TRIM66: variants seen among roughly 807,000 people sequenced by gnomAD.
TRIM66 encodes the protein tripartite motif containing 66, also known as tripartite motif-containing protein 66.
A neutral mutation model predicts 148.2 loss-of-function variants in TRIM66; 99 were observed. The ratio of observed to expected loss-of-function variants is 0.67; its 90% CI spans 0.57 to 0.79. TRIM66 has a LOEUF of 0.79. Ranked by LOEUF, TRIM66 falls within the 30% of genes least tolerant of loss-of-function variation. TRIM66 has a pLI of 0.00. For synonymous variants in TRIM66, 616 were observed against 635.9 expected (o/e 0.97, Z 0.47); for missense variants, 1,666 against 1,697.9 (o/e 0.98, Z 0.33).
chr11:8,640,124 G>A (rs1423154656), intron 14 of TRIM66, 103 bp downstream of exon 14: 7 of 1,180,992 alleles, frequency 5.9e-6, no homozygotes, highest in Non-Finnish European at 8.3e-6. Context: ...GCCCTAAGGT[G>A]CAGAAACTGT....
intron 6 of TRIM66, among the ~76,000 whole-genome samples, chr11:8,660,603 G>A (rs1015263686): frequency 6.6e-6 from 1 of 152,208 alleles, no homozygotes; most frequent in African/African-American, 2.4e-5. Flanking sequence ...GACCCACAAA[G>A]CCTAAAATAT....
rs879788246 is a variant in TRIM66 at position 8,615,258 on chromosome 11, A to G, written c.*2686T>C. 2.0e-5 allele frequency: 3 copies of G among 152,216 alleles called. No homozygotes were observed. Among genetic ancestry groups the G allele is most frequent in the Non-Finnish European group, 2.9e-5 (2 of 68,046 alleles). The allele number at this position is 152,216 out of a possible 1,614,324, so 9.4% of individuals were successfully genotyped here. A position where few individuals can be genotyped will look rare whatever the true frequency, so the allele number is the denominator to read the frequency against. ...AATAAAATAAAATTTAAAAATCCTG[A>G]ACCAATTTTTAACTAAAATCCCCTT... is the stretch of plus-strand genomic sequence containing the variant. On this transcript the variant is annotated 3_prime_UTR_variant, in exon 25 of 25. Coordinates refer to ENST00000646038, the MANE Select transcript of TRIM66 (RefSeq NM_001388022.1).
Position 8,614,494 on chromosome 11 carries a change from G to C in TRIM66, c.*3450C>G, listed in dbSNP as rs1175971325. ...AGAAAGTTAAAAGACAAGGAGAGGAGAGAGAGGGCTGAGGTCATGGAAATG... is the reference window on the plus strand; with the variant it reads ...AGAAAGTTAAAAGACAAGGAGAGGACAGAGAGGGCTGAGGTCATGGAAATG... On this transcript the variant is annotated 3_prime_UTR_variant, in exon 25 of 25. Coordinates refer to ENST00000646038, the MANE Select transcript of TRIM66 (RefSeq NM_001388022.1). 6.5e-6 allele frequency: 1 copy of C among 152,690 alleles called. No homozygotes were observed. Among genetic ancestry groups the C allele is most frequent in the Non-Finnish European group, 1.5e-5 (1 of 68,428 alleles). 9.5% of individuals were successfully genotyped at this position (152,690 alleles called of 1,614,324 possible). A position where few individuals can be genotyped will look rare whatever the true frequency, so the allele number is the denominator to read the frequency against.
intron 15 of TRIM66, among the ~76,000 whole-genome samples, chr11:8,627,596 C>T (rs538293053): frequency 3.9e-5 from 6 of 152,216 alleles, no homozygotes; most frequent in African/African-American, 1.4e-4. Context: ...TGCTGCAGAC[C>T]TAGTTTTACA....
chr11:8,624,285 CTCT>C, intron 17 of TRIM66, 71 bp downstream of exon 17: 1 of 1,489,134 alleles, frequency 6.7e-7, no homozygotes, highest in Non-Finnish European at 9.0e-7. Context: ...CTGCTGGCCT[CTCT>C]TACCTAGAAG....
chr11:8,622,365 C>CACATATATATATATATATAT, intron 18 of TRIM66, among the ~76,000 whole-genome samples: 2 of 59,574 alleles, frequency 3.4e-5, no homozygotes, highest in African/African-American at 1.1e-4. Flanking sequence ...CACACACACA[C>CACATATATATATATATATAT]ATATATATAT....
chr11:8,672,307 T>C lies in TRIM66; in HGVS notation c.-33A>G. On this transcript the variant is annotated 5_prime_UTR_variant, in exon 5 of 25. Coordinates refer to ENST00000646038, the MANE Select transcript of TRIM66 (RefSeq NM_001388022.1). ...GTGGAAAACAAAGCGTGGAGGTGTCTGCTGTTTGTCTGAAGGCGAACAAAC... is the reference window on the plus strand; with the variant it reads ...GTGGAAAACAAAGCGTGGAGGTGTCCGCTGTTTGTCTGAAGGCGAACAAAC... 6.5e-7 allele frequency: 1 copy of C among 1,536,134 alleles called. No homozygotes were observed. Among genetic ancestry groups the C allele is most frequent in the Non-Finnish European group, 8.7e-7 (1 of 1,146,894 alleles).
upstream of TRIM66, chr11:8,682,810 C>T (rs372050010): frequency 6.8e-6 from 11 of 1,613,126 alleles, no homozygotes; most frequent in Admixed American, 1.7e-5. Flanking sequence ...TCTGGGCTGC[C>T]AACATGGTAG....
chr11:8,651,710 A>G (rs1472829332), intron 7 of TRIM66, 90 bp downstream of exon 7: 1 of 1,010,676 alleles, frequency 9.9e-7, no homozygotes, highest in African/African-American at 1.6e-5. Flanking sequence ...AAATCAGATG[A>G]TAGAGTGATG....
chr11:8,645,960 G>A, intron 11 of TRIM66, 73 bp from the exon 12 acceptor site: 1 of 1,462,720 alleles, frequency 6.8e-7, no homozygotes, highest in Non-Finnish European at 9.3e-7. Flanking sequence ...GAAGTCTGGT[G>A]GCTTGTGTGT....
At chr11:8,670,595 CATTTT>C (rs1057270075) in intron 6 of TRIM66, among the ~76,000 whole-genome samples, 3 of 152,110 alleles carry the variant, frequency 2.0e-5, no homozygotes, top group African/African-American at 7.2e-5. Context: ...AAATAAATTA[CATTTT>C]ATTTTATAAA....
rs2033750406 is a variant in TRIM66 at position 8,616,810 on chromosome 11, CA to C, written c.*1133del. 1 of 152,194 alleles carries C rather than the reference CA, an allele frequency of 6.6e-6. No individual in the cohort carries two copies. The highest frequency in any genetic ancestry group is 2.4e-5 in the African/African-American group (1 of 41,430). The allele number at this position is 152,194 out of a possible 1,614,324, so 9.4% of individuals were successfully genotyped here. A position where few individuals can be genotyped will look rare whatever the true frequency, so the allele number is the denominator to read the frequency against. ...CCCTGAGGCCTTCTCTAACCTCCAA[CA>C]AAAAGGGCTGCCAGAAAAGTGTTGG... is the stretch of plus-strand genomic sequence containing the variant. On this transcript the variant is annotated 3_prime_UTR_variant, in exon 25 of 25. Coordinates refer to ENST00000646038, the MANE Select transcript of TRIM66 (RefSeq NM_001388022.1).
At chr11:8,679,445 C>T (rs1445114852) in intron 3 of TRIM66, 175 bp downstream of exon 3, 1 of 152,590 alleles carries the variant, frequency 6.6e-6, no homozygotes, top group Non-Finnish European at 1.5e-5. Flanking sequence ...GCCGCGTGAC[C>T]TGAGGGACAG....
intron 15 of TRIM66, among the ~76,000 whole-genome samples, chr11:8,634,772 A>G (rs749206506): frequency 2.6e-5 from 4 of 152,232 alleles, no homozygotes; most frequent in Non-Finnish European, 5.9e-5. Context: ...ATCGGCTCAC[A>G]TAGCACCAAC....
In TRIM66 at chr11:8,672,012, C is replaced by T. The variant is rs987477202; in HGVS notation, c.114G>A (p.Val38=). 16 of 1,535,920 alleles carry T rather than the reference C, an allele frequency of 1.0e-5. No homozygotes were observed. Among genetic ancestry groups the T allele is most frequent in the Non-Finnish European group, 1.4e-5 (16 of 1,146,920 alleles). Residue 38 remains valine, a synonymous_variant, in exon 6 of 25, where the codon GTG becomes GTA. Coordinates refer to ENST00000646038, the MANE Select transcript of TRIM66 (RefSeq NM_001388022.1). ...KAPVLGTGMA[V]DMGMSFMGLP... is the part of the protein sequence containing the mutation. ...GCCCCATAAAGCTCATGCCCATGTC[C>T]ACAGCCATGCCTGTGCCCAGGACTG...
intron 1 of TRIM66, 56 bp downstream of exon 1, chr11:8,682,545 C>A: frequency 1.7e-6 from 1 of 573,668 alleles, no homozygotes; most frequent in African/African-American, 1.9e-5. Flanking sequence ...TACAGCACAC[C>A]TAGCCCCGAT....
intron 15 of TRIM66, among the ~76,000 whole-genome samples, chr11:8,629,135 C>T (rs2035152407): frequency 6.6e-6 from 1 of 152,208 alleles, no homozygotes; most frequent in African/African-American, 2.4e-5. Flanking sequence ...GGCCAAAAAT[C>T]AATGGCTATC....
chr11:8,648,183 A>T lies in TRIM66; in HGVS notation c.726-97T>A. ...CTCCACAGGGAACTGTCTCAGCCAG[A>T]CCCATGGAAGCTGTGATGACTTCTA... On this transcript the variant is annotated intron_variant, in intron 9 of 24. Coordinates refer to ENST00000646038, the MANE Select transcript of TRIM66 (RefSeq NM_001388022.1). 3 of 1,235,656 alleles carry T rather than the reference A, an allele frequency of 2.4e-6. No individual in the cohort carries two copies. In the Admixed American group the frequency reaches 6.0e-5, roughly 25 times the overall value. 76.5% of individuals were successfully genotyped at this position (1,235,656 alleles called of 1,614,324 possible).
In TRIM66 at chr11:8,640,561, G is replaced by A. The variant is rs1592097515; in HGVS notation, c.1814C>T (p.Pro605Leu). ...QQQPQQQLPP[P>L]PPPLPHPPPP... ...TGGGGGATGGGGGAGGGGTGGTGGT[G>A]GAGGTGGTAGCTGCTGCTGTGGCTG... Residue 605 changes from proline (P) to leucine (L), a missense_variant, in exon 14 of 25, where the codon CCA (proline) becomes CTA (leucine). By Grantham distance (98) the Pro-to-Leu change is moderately conservative. This residue lies in a region of TRIM66 where 1,431 missense variants were observed against 1,412.4 expected (regional missense o/e 1.01). Transcript: ENST00000646038. The A allele has an allele frequency of 5.2e-6, 8 of 1,547,980 alleles. No homozygotes were observed. Among genetic ancestry groups the A allele is most frequent in the East Asian group, 4.9e-5 (2 of 40,826 alleles).
Sources: gnomAD v4.1 joint callset for allele counts (sites outside exome capture counted in the v4.1 genomes callset) on GRCh38, gnomAD v4.1.1 for gene constraint, gnomAD v4.1.1 regional missense constraint, MANE v1.5 for transcripts, NCBI Gene and HGNC (gene_info 2026-07-23, HGNC 2026-07-21) for gene names.